PALLD: variants seen among roughly 807,000 people sequenced by gnomAD.
The protein encoded by PALLD is palladin.
A neutral mutation model predicts 123.5 loss-of-function variants in PALLD; 61 were observed. That is an observed-to-expected ratio of 0.49 (90% CI 0.40 to 0.61). The LOEUF is 0.61. PALLD is among the 20% of genes least tolerant of loss of function. The pLI is 0.00. For synonymous variants in PALLD, 465 were observed against 496.4 expected (o/e 0.94, Z 0.84); for missense variants, 1,273 against 1,377.0 (o/e 0.92, Z 1.20).
intron 10 of PALLD, among the ~76,000 whole-genome samples, chr4:168,736,303 G>C (rs554362403): frequency 6.6e-6 from 1 of 152,160 alleles, no homozygotes; most frequent in East Asian, 1.9e-4. Context: ...CACACACACA[G>C]TGTGTATGTA....
At chr4:168,734,796 C>T (rs755898182) in intron 10 of PALLD, among the ~76,000 whole-genome samples, 21 of 152,072 alleles carry the variant, frequency 1.4e-4, no homozygotes, top group Non-Finnish European at 2.4e-4. Context: ...TGGTGGCACA[C>T]GCCTGTAGTC....
intron 8 of PALLD, chr4:168,700,040 G>A (rs6824965): frequency 0.15 from 47,900 of 317,898 alleles, 4,859 homozygotes; most frequent in African/African-American, 0.32. Context: ...GTCTTTGTTC[G>A]AGTGAGATGC....
chr4:168,914,782 A>AT (rs1759761532), intron 16 of PALLD, among the ~76,000 whole-genome samples: 1 of 152,230 alleles, frequency 6.6e-6, no homozygotes, highest in Admixed American at 6.5e-5. Context: ...AGTGAAGAGA[A>AT]TACATAGTTA....
chr4:168,770,163 C>G (rs1734199074), intron 10 of PALLD, among the ~76,000 whole-genome samples: 1 of 152,330 alleles, frequency 6.6e-6, no homozygotes, highest in East Asian at 1.9e-4. Flanking sequence ...CTATCACTAG[C>G]AACATCTACT....
intron 10 of PALLD, among the ~76,000 whole-genome samples, chr4:168,754,706 G>T (rs905740987): frequency 6.6e-6 from 1 of 152,002 alleles, no homozygotes; most frequent in African/African-American, 2.4e-5. Flanking sequence ...TTCTGTGTTT[G>T]GCTCCAAGTC....
intron 10 of PALLD, among the ~76,000 whole-genome samples, chr4:168,733,026 A>G (rs1787334394): frequency 6.6e-6 from 1 of 152,196 alleles, no homozygotes. Flanking sequence ...GGACTCATGT[A>G]AGCATAGGTT....
intron 2 of PALLD, among the ~76,000 whole-genome samples, chr4:168,568,533 AT>A (rs1768644770): frequency 6.6e-6 from 1 of 152,180 alleles, no homozygotes; most frequent in African/African-American, 2.4e-5. Flanking sequence ...CTGTCTTTAA[AT>A]TTTTTTAAAC....
intron 6 of PALLD, among the ~76,000 whole-genome samples, chr4:168,686,217 G>T (rs995679087): frequency 1.3e-5 from 2 of 151,580 alleles, no homozygotes; most frequent in East Asian, 3.9e-4. Flanking sequence ...GGTTTGGTTT[G>T]TTTTTTTTAC....
intron 2 of PALLD, among the ~76,000 whole-genome samples, chr4:168,552,855 T>C (rs1202047272): frequency 1.3e-5 from 2 of 152,022 alleles, no homozygotes; most frequent in Non-Finnish European, 2.9e-5. Flanking sequence ...TTTTAATTTT[T>C]AATAGAGACA....
intron 2 of PALLD, among the ~76,000 whole-genome samples, chr4:168,557,171 G>A (rs1014338812): frequency 6.6e-6 from 1 of 152,114 alleles, no homozygotes; most frequent in Non-Finnish European, 1.5e-5. Flanking sequence ...AGCCTCCCGA[G>A]TAGCTGGGAT....
In PALLD at chr4:168,903,849, C is replaced by G. The variant is rs1716307485; in HGVS notation, c.2565C>G (p.Thr855=). 6.2e-7 allele frequency: 1 copy of G among 1,613,554 alleles called. No individual in the cohort carries two copies. Among genetic ancestry groups the G allele is most frequent in the African/African-American group, 1.3e-5 (1 of 74,900 alleles). The stretch of plus-strand genomic sequence containing the variant: ...TCGATGGGACCTGCTCCCTCCATAC[C>G]ACAGCCTCCACCCTAGATGATGATG... ...RDLDGTCSLH[T]TASTLDDDGN... The change falls in exon 15 of 22, where the codon ACC becomes ACG. Residue 855 remains threonine, a synonymous_variant. Transcript: ENST00000505667.
chr4:168,717,522 T>C (rs1461910732), intron 10 of PALLD, among the ~76,000 whole-genome samples: 1 of 152,128 alleles, frequency 6.6e-6, no homozygotes, highest in Non-Finnish European at 1.5e-5. Flanking sequence ...GGCTAATTTT[T>C]GTACTTTTAG....
At chr4:168,845,306 C>A (rs1202242814) in intron 10 of PALLD, among the ~76,000 whole-genome samples, 3 of 152,128 alleles carry the variant, frequency 2.0e-5, no homozygotes, top group African/African-American at 4.8e-5. Flanking sequence ...AATTTTAGGA[C>A]CCTTACTAAC....
At chr4:168,791,574 G>A (rs556518255) in intron 10 of PALLD, among the ~76,000 whole-genome samples, 8 of 152,168 alleles carry the variant, frequency 5.3e-5, no homozygotes, top group African/African-American at 1.9e-4. Context: ...AACAGCATGG[G>A]GGAAACGGGC....
chr4:168,685,959 A>G (rs1782004215), intron 6 of PALLD, among the ~76,000 whole-genome samples: 2 of 151,988 alleles, frequency 1.3e-5, no homozygotes. Context: ...CATCCATTTC[A>G]TTGGTCAGCC....
chr4:168,728,442 G>A (rs528861878), intron 10 of PALLD, among the ~76,000 whole-genome samples: 10 of 151,978 alleles, frequency 6.6e-5, no homozygotes, highest in Admixed American at 1.3e-4. Flanking sequence ...GTATTCCTAG[G>A]TATTTTATTT....
chr4:168,521,324 T>C (rs1276716797), intron 2 of PALLD, among the ~76,000 whole-genome samples: 2 of 152,300 alleles, frequency 1.3e-5, no homozygotes, highest in South Asian at 4.1e-4. Context: ...GACTCTTGGC[T>C]CCATCACGCA....
At chr4:168,697,736 T>G (rs2150146671) in intron 8 of PALLD, among the ~76,000 whole-genome samples, 1 of 152,310 alleles carries the variant, frequency 6.6e-6, no homozygotes, top group Middle Eastern at 3.4e-3. Context: ...TTTTTGAATT[T>G]TTGCAATCAG....
intron 10 of PALLD, among the ~76,000 whole-genome samples, chr4:168,812,048 G>A (rs909117759): frequency 7.2e-5 from 11 of 152,134 alleles, no homozygotes; most frequent in African/African-American, 2.4e-4. Flanking sequence ...GTATAAAGCA[G>A]GACATCAAGG....
Sources: allele counts gnomAD v4.1 joint callset (sites outside exome capture counted in the v4.1 genomes callset), GRCh38; gene constraint gnomAD v4.1.1; transcripts MANE v1.5; gene names NCBI Gene and HGNC (gene_info 2026-07-23, HGNC 2026-07-21).